The following NBAS variants were observed in gnomAD, a reference collection of about 807,000 sequenced individuals.
NBAS encodes the protein NBAS subunit of NRZ tethering complex.
NBAS carries 219 observed loss-of-function variants against 302.5 expected under a neutral mutation model. The observed-to-expected ratio is 0.72, with a 90% CI of 0.65 to 0.81. The LOEUF (loss-of-function observed/expected upper bound fraction) is 0.81. NBAS is among the 30% of genes least tolerant of loss of function. The pLI is 0.00. For missense variants in NBAS, 2,932 were observed against 2,841.6 expected (o/e 1.03, Z -0.72); for synonymous variants, 1,118 against 1,021.6 (o/e 1.09, Z -1.80).
the NBAS span, among the ~76,000 whole-genome samples, chr2:14,866,301 G>A: frequency 6.6e-6 from 1 of 152,068 alleles, no homozygotes; most frequent in African/African-American, 2.4e-5. Flanking sequence ...GCTGACTCTA[G>A]ATAAAGACCA....
intron 48 of NBAS, among the ~76,000 whole-genome samples, chr2:15,198,892 C>T (rs978689927): frequency 1.3e-5 from 2 of 151,906 alleles, no homozygotes; most frequent in African/African-American, 4.8e-5. Context: ...TTTGGGAGGC[C>T]GAGGCGGGTG....
chr2:15,038,402 C>T, the NBAS span, among the ~76,000 whole-genome samples: 1 of 152,160 alleles, frequency 6.6e-6, no homozygotes, highest in Non-Finnish European at 1.5e-5. Flanking sequence ...CGAGCCACCA[C>T]GCCCCGCCAA....
chr2:14,935,450 A>C, the NBAS span, among the ~76,000 whole-genome samples: 2 of 152,158 alleles, frequency 1.3e-5, no homozygotes, highest in Non-Finnish European at 2.9e-5. Flanking sequence ...ATGCCCCTTG[A>C]ACTTGCTTTG....
chr2:14,961,575 G>A, the NBAS span, among the ~76,000 whole-genome samples: 336 of 152,188 alleles, frequency 2.2e-3, 1 homozygote, highest in African/African-American at 7.7e-3. Flanking sequence ...TGCAGAATAG[G>A]CCAAATAAAG....
At chr2:14,818,502 G>C in the NBAS span, among the ~76,000 whole-genome samples, 1 of 152,174 alleles carries the variant, frequency 6.6e-6, no homozygotes, top group Non-Finnish European at 1.5e-5. Context: ...GGAGGGTCAG[G>C]ATTCATTTCC....
the NBAS span, among the ~76,000 whole-genome samples, chr2:14,881,956 A>T: frequency 6.6e-5 from 10 of 152,192 alleles, no homozygotes; most frequent in Non-Finnish European, 1.3e-4. Flanking sequence ...AATCTGAGAG[A>T]AGAACAAAGA....
chr2:15,000,617 T>C, the NBAS span, among the ~76,000 whole-genome samples: 27 of 152,330 alleles, frequency 1.8e-4, no homozygotes, highest in Non-Finnish European at 2.2e-4. Context: ...TCAGGTAATA[T>C]GACTGTAATG....
At chr2:14,930,362 G>A in the NBAS span, among the ~76,000 whole-genome samples, 4 of 152,188 alleles carry the variant, frequency 2.6e-5, no homozygotes, top group Admixed American at 6.5e-5. Flanking sequence ...TGCTAGGGGA[G>A]TGTGGAAGCA....
chr2:15,137,405 C>T, the NBAS span, among the ~76,000 whole-genome samples: 1,722 of 152,210 alleles, frequency 0.011, 29 homozygotes, highest in African/African-American at 0.035. Context: ...TAAGAACATT[C>T]ACCTTCCCCA....
the NBAS span, among the ~76,000 whole-genome samples, chr2:14,957,831 A>C: frequency 1.3e-5 from 2 of 151,788 alleles, no homozygotes; most frequent in Non-Finnish European, 1.5e-5. Flanking sequence ...CTGAGTGCCA[A>C]CTCAGTCCGA....
chr2:15,238,457 C>G lies in NBAS; in HGVS notation c.5943+11G>C, dbSNP rs201278396. The G allele has an allele frequency of 9.1e-5, 147 of 1,611,798 alleles. 1 individual carries two copies. Among genetic ancestry groups the G allele is most frequent in the Admixed American group, 1.7e-5 (1 of 59,986 alleles). On this transcript the variant is annotated intron_variant, in intron 45 of 51. Coordinates refer to ENST00000281513, the MANE Select transcript of NBAS (RefSeq NM_015909.4). ...TACAGAGTGAGCATATAGAAGTTCCCATTTCTTTACCTGCTCACTATTCTT... is the reference window on the plus strand; with the variant it reads ...TACAGAGTGAGCATATAGAAGTTCCGATTTCTTTACCTGCTCACTATTCTT...
At chr2:14,942,290 G>C in the NBAS span, among the ~76,000 whole-genome samples, 1 of 152,168 alleles carries the variant, frequency 6.6e-6, no homozygotes, top group Non-Finnish European at 1.5e-5. Flanking sequence ...AATGTTAGAG[G>C]TAGGGCCTGG....
the NBAS span, among the ~76,000 whole-genome samples, chr2:15,093,594 G>C: frequency 2.0e-5 from 3 of 152,162 alleles, no homozygotes; most frequent in Non-Finnish European, 4.4e-5. Flanking sequence ...GATGATTCTA[G>C]GAAATTCGCC....
At chr2:14,836,236 T>A in the NBAS span, among the ~76,000 whole-genome samples, 1 of 151,976 alleles carries the variant, frequency 6.6e-6, no homozygotes. Context: ...AAATAGCTTT[T>A]GTTTTGTTTT....
chr2:15,416,331 GAGAT>G, intron 24 of NBAS, among the ~76,000 whole-genome samples: 1 of 152,106 alleles, frequency 6.6e-6, no homozygotes, highest in Non-Finnish European at 1.5e-5. Context: ...CCAAATGACA[GAGAT>G]AGTTTTACTC....
intron 40 of NBAS, among the ~76,000 whole-genome samples, chr2:15,305,870 G>C (rs1028149789): frequency 6.6e-6 from 1 of 152,188 alleles, no homozygotes; most frequent in Non-Finnish European, 1.5e-5. Context: ...GATATAGTTG[G>C]AATGGAAGAG....
intron 38 of NBAS, among the ~76,000 whole-genome samples, chr2:15,315,269 G>C (rs1442265494): frequency 1.3e-5 from 2 of 152,208 alleles, no homozygotes; most frequent in African/African-American, 4.8e-5. Context: ...AGTTGGGTTT[G>C]GTTGATGAAT....
intron 31 of NBAS, 146 bp downstream of exon 31, chr2:15,374,462 A>G: frequency 1.5e-6 from 1 of 682,058 alleles, no homozygotes; most frequent in South Asian, 1.7e-5. Flanking sequence ...TTGAGATTTC[A>G]TTTAAAATAA....
chr2:15,159,729 G>A, the NBAS span, among the ~76,000 whole-genome samples: 1 of 151,924 alleles, frequency 6.6e-6, no homozygotes, highest in South Asian at 2.1e-4. Flanking sequence ...GTACTGAACT[G>A]TACAGTAAGA....
Sources: gnomAD v4.1 joint callset for allele counts (sites outside exome capture counted in the v4.1 genomes callset) on GRCh38, gnomAD v4.1.1 for gene constraint, MANE v1.5 for transcripts, NCBI Gene and HGNC (gene_info 2026-07-23, HGNC 2026-07-21) for gene names.